SDK2: variants seen among roughly 807,000 people sequenced by gnomAD.
SDK2 encodes the protein sidekick cell adhesion molecule 2.
Under a neutral mutation model 253.9 loss-of-function variants are expected in SDK2, and 105 were observed. That is an observed-to-expected ratio of 0.41 (90% CI 0.35 to 0.49). SDK2 has a LOEUF of 0.49. SDK2 is among the 20% of genes least tolerant of loss of function. The pLI, the probability that SDK2 is intolerant of heterozygous loss-of-function variation, is 0.06. For synonymous variants in SDK2, 1,249 were observed against 1,234.9 expected, an observed-to-expected ratio of 1.01 and a Z score of -0.24; for missense variants, 2,608 against 3,003.0, an observed-to-expected ratio of 0.87 and a Z score of 3.07.
At chr17:73,469,992 GCACACACACACACACA>G (rs34448667) in intron 3 of SDK2, among the ~76,000 whole-genome samples, 7 of 126,264 alleles carry the variant, frequency 5.5e-5, no homozygotes, top group South Asian at 6.0e-4. Flanking sequence ...GCGCGCGCGC[GCACACACACACACACA>G]CACACACACA....
intron 36 of SDK2, among the ~76,000 whole-genome samples, chr17:73,378,344 C>T (rs11656194): frequency 0.02 from 3,043 of 151,894 alleles, 63 homozygotes; most frequent in South Asian, 0.098. Context: ...TCAAGTGATC[C>T]GCCCACCTTG....
intron 2 of SDK2, among the ~76,000 whole-genome samples, chr17:73,501,068 G>A (rs769185694): frequency 1.3e-5 from 2 of 152,186 alleles, no homozygotes; most frequent in Non-Finnish European, 2.9e-5. Context: ...AGCTGAGAGC[G>A]GTCAGATGAG....
chr17:73,633,893 G>A (rs1447053534), intron 1 of SDK2, among the ~76,000 whole-genome samples: 1 of 152,158 alleles, frequency 6.6e-6, no homozygotes, highest in Non-Finnish European at 1.5e-5. Flanking sequence ...GGGGAGAAAG[G>A]AAGGTGCTAT....
rs60091992 is a variant in SDK2 at position 73,495,619 on chromosome 17, C to CGT, written c.224+11817_224+11818dup. Among the ~76,000 whole-genome samples the CGT allele has an allele frequency of 9.8e-3, 1,458 of 148,506 alleles. 8 individuals carry two copies. Among genetic ancestry groups the CGT allele is most frequent in the African/African-American group, 0.012 (505 of 40,470 alleles). ...GCTGTTGGATATTGGAGGCCTGCCC[C>CGT]GTGTGTGTGTGTGTGTGTGTGTGTG... On this transcript the variant is annotated intron_variant, in intron 2 of 44. Coordinates refer to ENST00000392650, the MANE Select transcript of SDK2 (RefSeq NM_001144952.2).
In SDK2 at chr17:73,361,781, G is replaced by C; in HGVS notation, c.5370C>G (p.Asp1790Glu). The C allele has an allele frequency of 6.2e-7, 1 of 1,611,782 alleles. No homozygotes were observed. The highest frequency in any genetic ancestry group is 8.5e-7 in the Non-Finnish European group (1 of 1,178,918). Residue 1790 changes from aspartate (D) to glutamate (E), a missense_variant, in exon 39 of 45, where the codon GAC becomes GAG. Physicochemically the swap from Asp to Glu is conservative, Grantham distance 45. Coordinates refer to ENST00000392650, the MANE Select transcript of SDK2 (RefSeq NM_001144952.2). The surrounding 1 kb of genome is among the most constrained non-coding windows in gnomAD (Gnocchi z 4.1). ...ACCTGTAGGTCACCCCCTCCGCCAG[G>C]TCCTTCACCTTCAGCCACAGGGGGC... ...GNSPLWLKVK[D>E]LAEGVTYRFR... is the part of the protein sequence containing the mutation.
At position 73,383,759 on chromosome 17, in the gene SDK2, G is replaced by A; in HGVS notation, c.4705+117C>T. 2 of 1,250,806 alleles carry A rather than the reference G, an allele frequency of 1.6e-6. No homozygotes were observed. The highest frequency in any genetic ancestry group is 1.4e-5 in the South Asian group (1 of 71,836). The allele number at this position is 1,250,806 out of a possible 1,614,324, so 77.5% of individuals were successfully genotyped here. On this transcript the variant is annotated intron_variant, in intron 33 of 44. Coordinates refer to ENST00000392650, the MANE Select transcript of SDK2 (RefSeq NM_001144952.2). The surrounding 1 kb of genome is among the most constrained non-coding windows in gnomAD (Gnocchi z 4.3). ...GGGAGGAGGGAGAGGCACACATGGA[G>A]GAGGGAGGCAAGGTTTCAGGTTAGA...
At chr17:73,401,866 T>A (rs1329660523) in intron 19 of SDK2, 80 bp downstream of exon 19, 2 of 1,391,090 alleles carry the variant, frequency 1.4e-6, no homozygotes, top group East Asian at 2.5e-5. Context: ...GAGACAAGCC[T>A]GGGCCACCCT....
chr17:73,572,099 G>A (rs2045396778), intron 1 of SDK2, among the ~76,000 whole-genome samples: 1 of 152,172 alleles, frequency 6.6e-6, no homozygotes, highest in Admixed American at 6.5e-5. Context: ...CAAGACCTCG[G>A]CATTCAGTGC....
intron 1 of SDK2, among the ~76,000 whole-genome samples, chr17:73,635,222 A>C (rs2046315720): frequency 6.6e-6 from 1 of 152,080 alleles, no homozygotes; most frequent in Middle Eastern, 3.2e-3. Context: ...GCCTGTCCTC[A>C]AGTGATCCGC....
intron 1 of SDK2, among the ~76,000 whole-genome samples, chr17:73,594,956 G>C (rs969450517): frequency 6.6e-6 from 1 of 151,888 alleles, no homozygotes; most frequent in African/African-American, 2.4e-5. Context: ...ACATACAACA[G>C]GCCTCACTAC....
At chr17:73,506,592 A>G (rs917159121) in intron 2 of SDK2, among the ~76,000 whole-genome samples, 2 of 152,212 alleles carry the variant, frequency 1.3e-5, no homozygotes, top group Non-Finnish European at 2.9e-5. Flanking sequence ...ATTTGTGTCA[A>G]CATCCCCAGG....
At chr17:73,568,392 G>T (rs1004690578) in intron 1 of SDK2, among the ~76,000 whole-genome samples, 1 of 151,996 alleles carries the variant, frequency 6.6e-6, no homozygotes, top group African/African-American at 2.4e-5. Context: ...CCAAATACAC[G>T]TCTCTTCTTT....
Position 73,419,162 on chromosome 17 carries a change from C to A in SDK2, c.2186+4G>T. 2 of 1,611,470 alleles carry A rather than the reference C, an allele frequency of 1.2e-6. No individual in the cohort carries two copies. The highest frequency in any genetic ancestry group is 1.7e-6 in the Non-Finnish European group (2 of 1,179,054). ...GGGCTCCTGTCCCCAGGGTGGACAC[C>A]CACCTGATGATGTAACCCTTGAGAA... On this transcript the variant is annotated splice_donor_region_variant and intron_variant, in intron 16 of 44. Transcript: ENST00000392650.
At chr17:73,514,265 C>G (rs1304437562) in intron 1 of SDK2, among the ~76,000 whole-genome samples, 2 of 152,100 alleles carry the variant, frequency 1.3e-5, no homozygotes, top group Admixed American at 1.3e-4. Flanking sequence ...CAGCAAGAGG[C>G]CTCAGCCCGG....
intron 2 of SDK2, among the ~76,000 whole-genome samples, chr17:73,477,328 G>A (rs183348465): frequency 5.3e-5 from 8 of 152,242 alleles, no homozygotes; most frequent in Admixed American, 5.2e-4. Context: ...GGGGGTGGGG[G>A]GTGGATTAAA....
chr17:73,580,206 G>A (rs1276094561), intron 1 of SDK2, among the ~76,000 whole-genome samples: 1 of 152,210 alleles, frequency 6.6e-6, no homozygotes, highest in Non-Finnish European at 1.5e-5. Context: ...CTCACCTGCA[G>A]TGGGTTCTCC....
In SDK2 at chr17:73,580,964, C is replaced by T. The variant is rs187168802; in HGVS notation, c.64+63061G>A. Among the ~76,000 whole-genome samples the T allele has an allele frequency of 3.8e-3, 575 of 152,290 alleles. 3 individuals carry two copies. The highest frequency in any genetic ancestry group is 9.0e-3 in the African/African-American group (376 of 41,550). On this transcript the variant is annotated intron_variant, in intron 1 of 44. Transcript: ENST00000392650. Reference sequence around the variant, plus strand: ...CTGGAGTGCAGTGGTATGAATACTGCTCACTGCAGCCTCGAACTCCTGGGC... The same window carrying T: ...CTGGAGTGCAGTGGTATGAATACTGTTCACTGCAGCCTCGAACTCCTGGGC...
rs536085267 is a variant in SDK2 at position 73,469,851 on chromosome 17, G to A, written c.331+2261C>T. Reference sequence around the variant, plus strand: ...GCAGAGCCAACCCCAGGGAGGCTGTGTCATTTCATCTCAGGGGCTCTCAAC... The same window carrying A: ...GCAGAGCCAACCCCAGGGAGGCTGTATCATTTCATCTCAGGGGCTCTCAAC... On this transcript the variant is annotated intron_variant, in intron 3 of 44. Coordinates refer to ENST00000392650, the MANE Select transcript of SDK2 (RefSeq NM_001144952.2). Among the ~76,000 whole-genome samples the A allele has an allele frequency of 3.9e-5, 6 of 152,282 alleles. 1 individual carries two copies. The South Asian group carries it at 1.2e-3, about 32-fold the overall frequency.
Position 73,379,302 on chromosome 17 carries a change from G to T in SDK2, c.4865-10C>A. ...GGTGCTGCTGTGGGCACTGGAGGGC[G>T]TGCAGGGTAGGCAGTGAGCATGCGA... On this transcript the variant is annotated splice_polypyrimidine_tract_variant and intron_variant, in intron 35 of 44. Coordinates refer to ENST00000392650, the MANE Select transcript of SDK2 (RefSeq NM_001144952.2). The surrounding 1 kb of genome is among the most constrained non-coding windows in gnomAD (Gnocchi z 4.5). 1 of 1,550,126 alleles carries T rather than the reference G, an allele frequency of 6.5e-7. No individual in the cohort carries two copies. Among genetic ancestry groups the T allele is most frequent in the Non-Finnish European group, 8.7e-7 (1 of 1,144,994 alleles).
Sources: gnomAD v4.1 joint callset for allele counts (sites outside exome capture counted in the v4.1 genomes callset) on GRCh38, gnomAD v4.1.1 for gene constraint, Gnocchi (gnomAD v3.1) non-coding constraint, MANE v1.5 for transcripts, NCBI Gene and HGNC (gene_info 2026-07-23, HGNC 2026-07-21) for gene names.